Variants in SHISA9 observed in about 807,000 individuals in gnomAD.
SHISA9 encodes the protein shisa family member 9.
In SHISA9, 13 loss-of-function variants were observed where a neutral mutation model predicts 38.0. That is an observed-to-expected ratio of 0.34 (90% CI 0.22 to 0.54). SHISA9 has a LOEUF of 0.54. Ranked by LOEUF, SHISA9 falls within the 20% of genes least tolerant of loss-of-function variation. The pLI, the probability that SHISA9 is intolerant of heterozygous loss-of-function variation, is 0.91. For missense variants in SHISA9, 538 were observed against 575.8 expected, an observed-to-expected ratio of 0.93 and a Z score of 0.67; for synonymous variants, 275 against 242.0, an observed-to-expected ratio of 1.14 and a Z score of -1.27.
At chr16:13,098,212 C>T (rs2073845792) in intron 2 of SHISA9, among the ~76,000 whole-genome samples, 2 of 152,140 alleles carry the variant, frequency 1.3e-5, no homozygotes, top group Non-Finnish European at 2.9e-5. Flanking sequence ...ACACTTAGGG[C>T]CTCAGGCAAG....
chr16:13,460,216 G>C, the SHISA9 span, among the ~76,000 whole-genome samples: 2 of 152,224 alleles, frequency 1.3e-5, no homozygotes, highest in South Asian at 4.2e-4. Context: ...TGGGAGATGG[G>C]GGTCTATATG....
At chr16:13,264,917 C>T in the SHISA9 span, among the ~76,000 whole-genome samples, 3 of 151,364 alleles carry the variant, frequency 2.0e-5, no homozygotes, top group Non-Finnish European at 2.9e-5. Flanking sequence ...CCTCGCCTTT[C>T]TCCTCCCCTC....
At chr16:13,058,939 G>T (rs1033635040) in intron 2 of SHISA9, among the ~76,000 whole-genome samples, 6 of 151,964 alleles carry the variant, frequency 3.9e-5, no homozygotes, top group African/African-American at 1.5e-4. Flanking sequence ...GTGTGGGTTT[G>T]GGGGGTGGAC....
At chr16:12,917,497 C>T (rs2071273556) in intron 2 of SHISA9, among the ~76,000 whole-genome samples, 1 of 152,018 alleles carries the variant, frequency 6.6e-6, no homozygotes, top group Admixed American at 6.6e-5. Context: ...AGGTATTTTT[C>T]ACAGAGCATG....
intron 2 of SHISA9, among the ~76,000 whole-genome samples, chr16:13,043,494 A>C (rs74012249): frequency 1.3e-5 from 2 of 152,318 alleles, no homozygotes; most frequent in African/African-American, 4.8e-5. Context: ...TGCAAAAGTA[A>C]TTGCAGTTTT....
intron 1 of SHISA9, among the ~76,000 whole-genome samples, chr16:12,906,296 C>T (rs2071092220): frequency 6.6e-6 from 1 of 152,210 alleles, no homozygotes; most frequent in Non-Finnish European, 1.5e-5. Flanking sequence ...TATGTTGTCG[C>T]ACCCCCATTA....
chr16:13,501,213 T>C, the SHISA9 span, among the ~76,000 whole-genome samples: 2 of 152,190 alleles, frequency 1.3e-5, no homozygotes, highest in Admixed American at 6.5e-5. Context: ...GAAGTGCAAC[T>C]GGCATCTAGT....
At chr16:13,060,786 T>C (rs276631) in intron 2 of SHISA9, among the ~76,000 whole-genome samples, 15,614 of 152,130 alleles carry the variant, frequency 0.1, 854 homozygotes, top group South Asian at 0.17. Context: ...GCTTTAAAAT[T>C]ATCTCCTGGG....
intron 2 of SHISA9, among the ~76,000 whole-genome samples, chr16:13,193,924 C>T (rs1279746589): frequency 2.6e-5 from 4 of 152,160 alleles, no homozygotes; most frequent in African/African-American, 9.7e-5. Context: ...CTCAGAGCTT[C>T]ACTATGAGCT....
At chr16:13,445,786 T>G in the SHISA9 span, among the ~76,000 whole-genome samples, 1 of 152,186 alleles carries the variant, frequency 6.6e-6, no homozygotes, top group Non-Finnish European at 1.5e-5. Context: ...AAATCCTGAC[T>G]TTACCACTTA....
At chr16:13,362,029 AT>A in the SHISA9 span, among the ~76,000 whole-genome samples, 2 of 152,102 alleles carry the variant, frequency 1.3e-5, no homozygotes, top group African/African-American at 4.8e-5. Context: ...TTCACTTAAC[AT>A]TTCCAGGCCT....
intron 2 of SHISA9, among the ~76,000 whole-genome samples, chr16:13,004,996 T>C (rs980675038): frequency 1.4e-5 from 1 of 71,644 alleles, no homozygotes; most frequent in African/African-American, 5.7e-5. Flanking sequence ...AGGAAATGTA[T>C]AGCTGCAATC....
intron 4 of SHISA9, among the ~76,000 whole-genome samples, chr16:13,220,274 C>G (rs2051210460): frequency 6.6e-6 from 1 of 152,088 alleles, no homozygotes; most frequent in South Asian, 2.1e-4. Context: ...ACTTGGGTGA[C>G]TTGACTCTGC....
chr16:13,252,071 TC>T, the SHISA9 span, among the ~76,000 whole-genome samples: 11 of 152,292 alleles, frequency 7.2e-5, no homozygotes, highest in East Asian at 2.1e-3. Flanking sequence ...TTCAGTTCCC[TC>T]CTTTTCACTC....
At chr16:13,535,455 A>T in the SHISA9 span, among the ~76,000 whole-genome samples, 1 of 152,210 alleles carries the variant, frequency 6.6e-6, no homozygotes. Flanking sequence ...AGCCTAAGCC[A>T]GGGACCCACA....
the SHISA9 span, among the ~76,000 whole-genome samples, chr16:13,489,316 C>T: frequency 6.6e-6 from 1 of 152,184 alleles, no homozygotes; most frequent in African/African-American, 2.4e-5. Context: ...TCTCAAAGTG[C>T]TGGGATTACA....
At chr16:12,925,657 C>T (rs1046399424) in intron 2 of SHISA9, among the ~76,000 whole-genome samples, 3 of 152,186 alleles carry the variant, frequency 2.0e-5, no homozygotes, top group African/African-American at 7.2e-5. Context: ...CCTAAGTGCT[C>T]AACACAGTGT....
Position 13,051,360 on chromosome 16 carries a change from G to A in SHISA9, c.691+134545G>A, listed in dbSNP as rs562296581. ...AGAACAGTATGGGGGAAACCACCCC[G>A]ATGATGCAATTGTCTCCACCTGGCC... On this transcript the variant is annotated intron_variant, in intron 2 of 4. Coordinates refer to ENST00000558583, the MANE Select transcript of SHISA9 (RefSeq NM_001145204.3). Among the ~76,000 whole-genome samples, 87 of 152,286 alleles carry A rather than the reference G, an allele frequency of 5.7e-4. 1 individual carries two copies. The highest frequency in any genetic ancestry group is 1.9e-3 in the African/African-American group (77 of 41,556).
At chr16:13,502,845 C>T in the SHISA9 span, among the ~76,000 whole-genome samples, 1 of 151,964 alleles carries the variant, frequency 6.6e-6, no homozygotes, top group South Asian at 2.1e-4. Flanking sequence ...CCACCACACT[C>T]CAGCCTGGGT....
Sources: gnomAD v4.1 joint callset for allele counts (sites outside exome capture counted in the v4.1 genomes callset) on GRCh38, gnomAD v4.1.1 for gene constraint, MANE v1.5 for transcripts, NCBI Gene and HGNC (gene_info 2026-07-23, HGNC 2026-07-21) for gene names.